The following ECHDC1 variants were observed in gnomAD, a reference collection of about 807,000 sequenced individuals.
The protein encoded by ECHDC1 is ethylmalonyl-CoA decarboxylase.
A neutral mutation model predicts 29.7 loss-of-function variants in ECHDC1; 29 were observed. That is an observed-to-expected ratio of 0.98 (90% CI 0.73 to 1.33). The LOEUF (loss-of-function observed/expected upper bound fraction) is 1.33, where lower values mean the gene tolerates loss of function less well. Ranked by LOEUF, ECHDC1 falls within the 40% of genes most tolerant of loss-of-function variation. ECHDC1 has a pLI of 0.00. For missense variants in ECHDC1, 328 were observed against 350.0 expected (o/e 0.94, Z 0.50); for synonymous variants, 126 against 123.1 (o/e 1.02, Z -0.15).
chr6:127,303,571 A>C (rs1781219331), intron 5 of ECHDC1, among the ~76,000 whole-genome samples: 1 of 152,192 alleles, frequency 6.6e-6, no homozygotes, highest in Admixed American at 6.5e-5. Flanking sequence ...GAAAAATCTG[A>C]CGCCAGCAGA....
At chr6:127,337,395 T>C (rs1784523112) in intron 1 of ECHDC1, among the ~76,000 whole-genome samples, 1 of 152,204 alleles carries the variant, frequency 6.6e-6, no homozygotes, top group South Asian at 2.1e-4. Flanking sequence ...CCTTTATCTT[T>C]AACCTGAACA....
intron 5 of ECHDC1, chr6:127,313,687 C>G: frequency 2.3e-6 from 1 of 432,716 alleles, no homozygotes; most frequent in Non-Finnish European, 4.6e-6. Flanking sequence ...AAAAAAATGG[C>G]AAGGCCAGGG....
intron 1 of ECHDC1, chr6:127,342,545 A>G: frequency 1.7e-6 from 1 of 590,054 alleles, no homozygotes. Flanking sequence ...TTCTCACCAC[A>G]AGCTTGTCTG....
chr6:127,303,889 A>G (rs1215577142), intron 5 of ECHDC1, among the ~76,000 whole-genome samples: 1 of 152,224 alleles, frequency 6.6e-6, no homozygotes, highest in Non-Finnish European at 1.5e-5. Flanking sequence ...TCAGAACACC[A>G]GCTAGACTTC....
At chr6:127,324,969 A>G (rs112311192) in intron 3 of ECHDC1, among the ~76,000 whole-genome samples, 1,635 of 152,242 alleles carry the variant, frequency 0.011, 31 homozygotes, top group African/African-American at 0.038. Context: ...TTCCCCCTTG[A>G]GTGTAGACTA....
At chr6:127,337,614 A>G (rs1423815118) in intron 1 of ECHDC1, among the ~76,000 whole-genome samples, 1 of 152,228 alleles carries the variant, frequency 6.6e-6, no homozygotes. Context: ...CCTTGGGCAC[A>G]TGTTCTCAGG....
chr6:127,342,445 T>C lies in ECHDC1; in HGVS notation c.-3+891A>G, dbSNP rs566880444. On this transcript the variant is annotated intron_variant, in intron 1 of 5. Transcript: ENST00000454859. ...AATCCCAGCTGATTATACAGTCGCC[T>C]TTCAGGCCAGAACCCAATAAAAAAT... 7 of 1,479,982 alleles carry C rather than the reference T, an allele frequency of 4.7e-6. No individual in the cohort carries two copies. The South Asian group carries it at 7.9e-5, about 17-fold the overall frequency. 91.7% of individuals were successfully genotyped at this position (1,479,982 alleles called of 1,614,324 possible).
intron 5 of ECHDC1, among the ~76,000 whole-genome samples, chr6:127,304,182 C>T (rs1455401135): frequency 6.6e-6 from 1 of 152,104 alleles, no homozygotes. Context: ...CTCAGCTCCA[C>T]GGGGCTCAGC....
At chr6:127,294,019 T>C (rs554609915) in intron 5 of ECHDC1, among the ~76,000 whole-genome samples, 1 of 152,298 alleles carries the variant, frequency 6.6e-6, no homozygotes, top group South Asian at 2.1e-4. Context: ...CTAATACAGA[T>C]ATGGTTGAAG....
At chr6:127,301,173 G>A (rs935834342) in intron 5 of ECHDC1, among the ~76,000 whole-genome samples, 1 of 152,164 alleles carries the variant, frequency 6.6e-6, no homozygotes, top group Non-Finnish European at 1.5e-5. Context: ...TGAAAAGTAT[G>A]ACTCAAGTGA....
chr6:127,323,763 T>C (rs1783051417), intron 3 of ECHDC1, among the ~76,000 whole-genome samples: 1 of 152,144 alleles, frequency 6.6e-6, no homozygotes, highest in East Asian at 1.9e-4. Flanking sequence ...CATGAAAACT[T>C]TACTTTTTTC....
Position 127,302,375 on chromosome 6 carries a change from C to T in ECHDC1, c.498-12098G>A, listed in dbSNP as rs754084624. 2.7e-4 allele frequency among the ~76,000 whole-genome samples: 41 copies of T among 152,002 alleles called. 1 individual carries two copies. Among genetic ancestry groups the T allele is most frequent in the Non-Finnish European group, 5.1e-4 (35 of 67,988 alleles). Reference sequence around the variant, plus strand: ...CAGAGGATTTTTCAGTGTAATAATGCACACTTGCATGTAGCTTAAGATTCT... The same window carrying T: ...CAGAGGATTTTTCAGTGTAATAATGTACACTTGCATGTAGCTTAAGATTCT... On this transcript the variant is annotated intron_variant, in intron 5 of 5. Transcript: ENST00000454859.
Position 127,301,508 on chromosome 6 carries a change from C to G in ECHDC1, c.498-11231G>C, listed in dbSNP as rs528476635. Among the ~76,000 whole-genome samples the G allele has an allele frequency of 7.2e-4, 110 of 152,180 alleles. No homozygotes were observed. The Middle Eastern group carries it at 0.014, about 19-fold the overall frequency. Reference sequence around the variant, plus strand: ...GCTTTCGGTGTTTTTTTAGAACAAGCAGACATTCTTAGGAAATAATTAAAA... The same window carrying G: ...GCTTTCGGTGTTTTTTTAGAACAAGGAGACATTCTTAGGAAATAATTAAAA... On this transcript the variant is annotated intron_variant, in intron 5 of 5. Transcript: ENST00000454859.
intron 1 of ECHDC1, among the ~76,000 whole-genome samples, chr6:127,331,288 G>A (rs1281960012): frequency 2.0e-5 from 3 of 151,874 alleles, no homozygotes; most frequent in Non-Finnish European, 4.4e-5. Context: ...TGAGACTACA[G>A]GCACCCATGA....
chr6:127,317,266 G>A lies in ECHDC1; in HGVS notation c.364-764C>T, dbSNP rs530863543. ...CTTCTTCCTTGGCTCTTCTTATCCAGCTAATCCCCTAAATCCATGCAGTTT... is the reference window on the plus strand; with the variant it reads ...CTTCTTCCTTGGCTCTTCTTATCCAACTAATCCCCTAAATCCATGCAGTTT... On this transcript the variant is annotated intron_variant, in intron 3 of 5. Coordinates refer to ENST00000454859, the MANE Select transcript of ECHDC1 (RefSeq NM_001002030.2). Among the ~76,000 whole-genome samples the A allele has an allele frequency of 3.6e-3, 548 of 151,912 alleles. 1 individual carries two copies. The highest frequency in any genetic ancestry group is 5.1e-3 in the Admixed American group (77 of 15,242).
rs1428284131 is a variant in ECHDC1 at position 127,290,021 on chromosome 6, C to G, written c.754G>C (p.Glu252Gln). The change falls in exon 6 of 6, where the codon GAA becomes CAA. Residue 252 changes from glutamate to glutamine, a missense_variant. Physicochemically the swap from Glu to Gln is conservative, Grantham distance 29. Coordinates refer to ENST00000454859, the MANE Select transcript of ECHDC1 (RefSeq NM_001002030.2). The part of the protein sequence containing the change: ...WLKQFIQGPP[E>Q]VIRALKKSVC... ...GATTTTTTCAAAGCTCTAATTACTT[C>G]CGGTGGCCCTTGGATGAATTGCTTT... 3 of 1,613,612 alleles carry G rather than the reference C, an allele frequency of 1.9e-6. No individual in the cohort carries two copies. The highest frequency in any genetic ancestry group is 2.5e-6 in the Non-Finnish European group (3 of 1,179,778).
chr6:127,341,392 T>G (rs1171107225), intron 1 of ECHDC1, among the ~76,000 whole-genome samples: 1 of 152,242 alleles, frequency 6.6e-6, no homozygotes, highest in Non-Finnish European at 1.5e-5. Context: ...ATTAACCTAC[T>G]ATAGTATCTA....
At position 127,298,020 on chromosome 6, in the gene ECHDC1, A is replaced by T. The variant is rs576332736; in HGVS notation, c.498-7743T>A. ...CAGACCATTTCAACATCAAAGAAGG[A>T]GAAACAACAAAAACAACAGTGAACT... On this transcript the variant is annotated intron_variant, in intron 5 of 5. Coordinates refer to ENST00000454859, the MANE Select transcript of ECHDC1 (RefSeq NM_001002030.2). 2.0e-5 allele frequency among the ~76,000 whole-genome samples: 3 copies of T among 152,352 alleles called. No individual in the cohort carries two copies. In the East Asian group the frequency reaches 5.8e-4, roughly 29 times the overall value.
chr6:127,307,054 TATGCTCCTGA>T (rs1306936836), intron 5 of ECHDC1, among the ~76,000 whole-genome samples: 1 of 152,052 alleles, frequency 6.6e-6, no homozygotes, highest in East Asian at 1.9e-4. Context: ...AATTAGACAA[TATGCTCCTGA>T]ATGGCCAATG....
Sources: allele counts gnomAD v4.1 joint callset (sites outside exome capture counted in the v4.1 genomes callset), GRCh38; gene constraint gnomAD v4.1.1; transcripts MANE v1.5; gene names NCBI Gene and HGNC (gene_info 2026-07-23, HGNC 2026-07-21).